Variants in OR6K3 observed in about 807,000 individuals in gnomAD.
The protein encoded by OR6K3 is olfactory receptor 6K3.
For synonymous variants in OR6K3, 169 were observed against 137.7 expected, an observed-to-expected ratio of 1.23 and a Z score of -1.59; for missense variants, 396 against 382.5, an observed-to-expected ratio of 1.04 and a Z score of -0.29.
intron 1 of OR6K3, among the ~76,000 whole-genome samples, chr1:158,719,805 A>G (rs1656248764): frequency 6.6e-6 from 1 of 152,080 alleles, no homozygotes; most frequent in Non-Finnish European, 1.5e-5. Flanking sequence ...TTTTATAATA[A>G]CAATAGAATT....
chr1:158,724,871 T>A (rs772483914), upstream of OR6K3: 4 of 217,912 alleles, frequency 1.8e-5, no homozygotes, highest in Non-Finnish European at 3.9e-5. Flanking sequence ...GAGAAAATGC[T>A]GATAAAATTA....
chr1:158,719,590 C>T (rs936678937), intron 1 of OR6K3, among the ~76,000 whole-genome samples: 2 of 151,978 alleles, frequency 1.3e-5, no homozygotes, highest in Non-Finnish European at 2.9e-5. Context: ...CCTCTGCCCC[C>T]TCTCCTCACA....
chr1:158,723,220 C>T (rs1571573239), upstream of OR6K3, among the ~76,000 whole-genome samples: 1 of 88,702 alleles, frequency 1.1e-5, no homozygotes, highest in South Asian at 3.5e-4. Flanking sequence ...ATTTCTATTA[C>T]CTATCTGTCT....
At chr1:158,721,034 C>G (rs762666471), upstream of OR6K3, among the ~76,000 whole-genome samples, 1 of 151,946 alleles carries the variant, frequency 6.6e-6, no homozygotes, top group Non-Finnish European at 1.5e-5. Flanking sequence ...TTGAGTGTAC[C>G]AGTGTACTAT....
chr1:158,721,161 T>C (rs937585419), upstream of OR6K3, among the ~76,000 whole-genome samples: 3 of 151,928 alleles, frequency 2.0e-5, no homozygotes, highest in Admixed American at 6.6e-5. Context: ...TTACAGAAAA[T>C]AAGGCCATTT....
At position 158,717,362 on chromosome 1, in the gene OR6K3, C is replaced by T. The variant is rs1308261437; in HGVS notation, c.754G>A (p.Gly252Ser). The T allele has an allele frequency of 4.3e-6, 7 of 1,613,682 alleles. No individual in the cohort carries two copies. The highest frequency in any genetic ancestry group is 1.7e-5 in the Admixed American group (1 of 59,960). ...CGCAAGTACATGAGTGATACACTGC[C>T]AAAGAATATCGGGAAGACCATGAGG... ...GHLMVFPIFF[G>S]SVSLMYLRFS... Residue 252 changes from glycine (G) to serine (S), a missense_variant, in exon 2 of 2, where the codon GGC becomes AGC. Transcript: ENST00000368145.
Position 158,717,031 on chromosome 1 carries a change from T to C in OR6K3, c.*137A>G, listed in dbSNP as rs527750523. 35 of 668,308 alleles carry C rather than the reference T, an allele frequency of 5.2e-5. No homozygotes were observed. The East Asian group carries it at 8.5e-4, about 16-fold the overall frequency. The allele number at this position is 668,308 out of a possible 1,614,324, so 41.4% of individuals were successfully genotyped here. ...TACTAGGGAGGCTGAGGCAGGAGAATTGTTCAAAACCAGGAGGTGGAGGTT... is the reference window on the plus strand; with the variant it reads ...TACTAGGGAGGCTGAGGCAGGAGAACTGTTCAAAACCAGGAGGTGGAGGTT... On this transcript the variant is annotated 3_prime_UTR_variant, in exon 2 of 2. Transcript: ENST00000368145.
Position 158,717,361 on chromosome 1 carries a change from C to T in OR6K3, c.755G>A (p.Gly252Asp), listed in dbSNP as rs1171848527. 1.2e-6 allele frequency: 2 copies of T among 1,613,642 alleles called. No individual in the cohort carries two copies. Among genetic ancestry groups the T allele is most frequent in the Non-Finnish European group, 1.7e-6 (2 of 1,179,756 alleles). The change falls in exon 2 of 2, where the codon GGC becomes GAC. Residue 252 changes from glycine (G) to aspartate (D), a missense_variant. Gly to Asp is a moderately conservative substitution (Grantham distance 94). Coordinates refer to ENST00000368145, the MANE Select transcript of OR6K3 (RefSeq NM_001005327.3). ...GHLMVFPIFFGSVSLMYLRFS... is the reference protein window; with the variant it reads ...GHLMVFPIFFDSVSLMYLRFS... ...ACGCAAGTACATGAGTGATACACTGCCAAAGAATATCGGGAAGACCATGAG... is the reference window on the plus strand; with the variant it reads ...ACGCAAGTACATGAGTGATACACTGTCAAAGAATATCGGGAAGACCATGAG...
rs141092289 is a variant in OR6K3, at chr1:158,718,107, G to C, written c.9C>G (p.Ser3Arg). 1 of 1,604,458 alleles carries C rather than the reference G, an allele frequency of 6.2e-7. No homozygotes were observed. Among genetic ancestry groups the C allele is most frequent in the Admixed American group, 1.7e-5 (1 of 59,454 alleles). Reference protein sequence around the residue: MESGNQSTVTEFI... With the variant: MERGNQSTVTEFI... The stretch of plus-strand genomic sequence containing the variant: ...ATTCAGTCACTGTTGATTGGTTTCC[G>C]CTCTCCATATTTCTAGTAGAGCTAC... The change falls in exon 2 of 2, where the codon AGC (serine) becomes AGG (arginine). Residue 3 changes from serine (S) to arginine (R), a missense_variant. Transcript: ENST00000368145.
At chr1:158,722,185 G>T (rs1460105101), upstream of OR6K3, among the ~76,000 whole-genome samples, 1 of 151,874 alleles carries the variant, frequency 6.6e-6, no homozygotes, top group African/African-American at 2.4e-5. Context: ...TTTAAAGAAG[G>T]CAATCTGTGT....
chr1:158,721,639 G>A (rs956848257), upstream of OR6K3, among the ~76,000 whole-genome samples: 2 of 151,608 alleles, frequency 1.3e-5, no homozygotes, highest in Non-Finnish European at 2.9e-5. Context: ...CATGACTCAA[G>A]TATTCTCAAG....
Position 158,717,822 on chromosome 1 carries a change from G to A in OR6K3, c.294C>T (p.Ile98=). The A allele has an allele frequency of 7.4e-6, 12 of 1,613,868 alleles. No homozygotes were observed. The highest frequency in any genetic ancestry group is 9.3e-6 in the Non-Finnish European group (11 of 1,179,822). ...GTGAGTGGAAGAAATACATCTGCAA[G>A]ATGCAGCCAGTCATTGAGATGGCCT... is the stretch of plus-strand genomic sequence containing the variant. ...EKKAISMTGC[I]LQMYFFHSLE... The change falls in exon 2 of 2, where the codon ATC becomes ATT. Residue 98 remains isoleucine (I), a synonymous_variant. Coordinates refer to ENST00000368145, the MANE Select transcript of OR6K3 (RefSeq NM_001005327.3).
In OR6K3 at chr1:158,717,774, C is replaced by T. The variant is rs1383073592; in HGVS notation, c.342G>A (p.Leu114=). The T allele has an allele frequency of 1.9e-5, 30 of 1,613,686 alleles. No individual in the cohort carries two copies. The highest frequency in any genetic ancestry group is 2.5e-5 in the Non-Finnish European group (29 of 1,179,840). The change falls in exon 2 of 2, where the codon TTG becomes TTA. Residue 114 remains leucine, a synonymous_variant. Transcript: ENST00000368145. ...ATCTGTCAATGGCCATGGTGGTCAG[C>T]AAGATCCCCTCTGAGTTTTCAAGTG... ...FHSLENSEGI[L]LTTMAIDRYV...
At chr1:158,718,447 G>A (rs916626746) in intron 1 of OR6K3, among the ~76,000 whole-genome samples, 12 of 150,864 alleles carry the variant, frequency 8.0e-5, no homozygotes, top group African/African-American at 2.7e-4. Context: ...TGCAGAAATA[G>A]GGGTCTCCAA....
intron 1 of OR6K3, 113 bp from the exon 2 acceptor site, chr1:158,718,245 T>C (rs1488684316): frequency 6.2e-6 from 4 of 643,296 alleles, no homozygotes; most frequent in Non-Finnish European, 2.7e-6. Flanking sequence ...AGGTTTCATT[T>C]TTTTTCCTGA....
chr1:158,720,886 G>A (rs1372823686), upstream of OR6K3, among the ~76,000 whole-genome samples: 1 of 151,956 alleles, frequency 6.6e-6, no homozygotes, highest in Admixed American at 6.6e-5. Context: ...TTAACAGAAA[G>A]TTTCCCCTCT....
chr1:158,719,772 G>T (rs1656248064), intron 1 of OR6K3, among the ~76,000 whole-genome samples: 1 of 152,056 alleles, frequency 6.6e-6, no homozygotes, highest in South Asian at 2.1e-4. Flanking sequence ...ACTGGTTAAT[G>T]AAGTCCTGAG....
At chr1:158,719,613 A>G (rs1207739773) in intron 1 of OR6K3, among the ~76,000 whole-genome samples, 1 of 151,986 alleles carries the variant, frequency 6.6e-6, no homozygotes, top group East Asian at 1.9e-4. Flanking sequence ...AAAGCAATAT[A>G]TACTGCTGGT....
At chr1:158,721,270 C>A (rs1393832171), upstream of OR6K3, among the ~76,000 whole-genome samples, 1 of 151,934 alleles carries the variant, frequency 6.6e-6, no homozygotes, top group Non-Finnish European at 1.5e-5. Context: ...GTGTATGGGT[C>A]TTTCCTACCT....
Sources: allele counts gnomAD v4.1 joint callset (sites outside exome capture counted in the v4.1 genomes callset), GRCh38; gene constraint gnomAD v4.1.1; transcripts MANE v1.5; gene names NCBI Gene and HGNC (gene_info 2026-07-23, HGNC 2026-07-21).